Variants in ADAMTS6 observed in about 807,000 individuals in gnomAD.
ADAMTS6 encodes ADAM metallopeptidase with thrombospondin type 1 motif 6.
A neutral mutation model predicts 144.3 loss-of-function variants in ADAMTS6; 23 were observed. The observed-to-expected ratio is 0.16, with a 90% CI of 0.11 to 0.23. The LOEUF (loss-of-function observed/expected upper bound fraction) is 0.23, where lower values mean the gene tolerates loss of function less well. Ranked by LOEUF, ADAMTS6 falls within the 10% of genes least tolerant of loss-of-function variation. The probability of loss-of-function intolerance (pLI) is 1.00; values close to 1 mark genes in which losing one functional copy is unlikely to be tolerated. For missense variants in ADAMTS6, 999 were observed against 1,379.6 expected (o/e 0.72, Z 4.37); for synonymous variants, 444 against 457.5 (o/e 0.97, Z 0.38).
intron 7 of ADAMTS6, among the ~76,000 whole-genome samples, chr5:65,366,362 T>C (rs1273883965): frequency 6.6e-6 from 1 of 152,120 alleles, no homozygotes; most frequent in Non-Finnish European, 1.5e-5. Context: ...CTTAAAATAG[T>C]CAAAGAAAAA....
At chr5:65,238,516 C>T (rs931032228) in intron 15 of ADAMTS6, among the ~76,000 whole-genome samples, 1 of 151,690 alleles carries the variant, frequency 6.6e-6, no homozygotes, top group African/African-American at 2.4e-5. Flanking sequence ...GGAAGGATCG[C>T]TTGAGCCCAG....
intron 7 of ADAMTS6, among the ~76,000 whole-genome samples, chr5:65,348,845 A>C (rs1748588384): frequency 6.6e-6 from 1 of 152,094 alleles, no homozygotes; most frequent in South Asian, 2.1e-4. Flanking sequence ...AATACAAAAA[A>C]TAAATTTAAA....
At chr5:65,230,805 A>AAT (rs1179794516) in intron 15 of ADAMTS6, among the ~76,000 whole-genome samples, 2 of 73,912 alleles carry the variant, frequency 2.7e-5, no homozygotes, top group East Asian at 3.3e-4. Context: ...ATATGTATGA[A>AAT]ATATATATAT....
intron 24 of ADAMTS6, among the ~76,000 whole-genome samples, chr5:65,158,016 T>A (rs896018105): frequency 1.3e-5 from 2 of 152,170 alleles, no homozygotes; most frequent in Non-Finnish European, 2.9e-5. Flanking sequence ...TTAGTCTTAT[T>A]CCCTGGATGC....
At position 65,215,375 on chromosome 5, in the gene ADAMTS6, T is replaced by A. The variant is rs771054006; in HGVS notation, c.2385A>T (p.Glu795Asp). Residue 795 changes from glutamate (E) to aspartate (D), a missense_variant, in exon 19 of 25, where the codon GAA becomes GAT. Glu to Asp is a conservative substitution (Grantham distance 45). This residue lies in a region of ADAMTS6 where 619 missense variants were observed against 837.0 expected (regional missense o/e 0.74). Transcript: ENST00000381055. ...TAFHYKRPTDEPESLEALGPT... is the reference protein window; with the variant it reads ...TAFHYKRPTDDPESLEALGPT... ...GACCTAGAGCTTCCAAGGATTCTGGTTCATCAGTTGGTCTCTTGTAATGAA... is the reference window on the plus strand; with the variant it reads ...GACCTAGAGCTTCCAAGGATTCTGGATCATCAGTTGGTCTCTTGTAATGAA... 3.1e-6 allele frequency: 5 copies of A among 1,613,976 alleles called. No homozygotes were observed. In the Admixed American group the frequency reaches 8.3e-5, roughly 27 times the overall value.
intron 20 of ADAMTS6, among the ~76,000 whole-genome samples, chr5:65,205,240 T>C (rs565694082): frequency 6.6e-6 from 1 of 152,184 alleles, no homozygotes; most frequent in Admixed American, 6.5e-5. Flanking sequence ...GTGTTAGTCA[T>C]TATTTTTGTT....
chr5:65,468,952 G>C (rs1047045839), intron 3 of ADAMTS6, among the ~76,000 whole-genome samples: 1 of 151,990 alleles, frequency 6.6e-6, no homozygotes, highest in African/African-American at 2.4e-5. Context: ...TATATCAAAG[G>C]CATGCTCTTC....
chr5:65,173,941 T>C (rs1479581397), intron 22 of ADAMTS6, among the ~76,000 whole-genome samples: 1 of 150,458 alleles, frequency 6.6e-6, no homozygotes, highest in East Asian at 2.0e-4. Flanking sequence ...GAGAAGTGCT[T>C]GAACCAGGAG....
intron 15 of ADAMTS6, among the ~76,000 whole-genome samples, chr5:65,232,670 A>C (rs191767177): frequency 5.3e-5 from 8 of 151,984 alleles, no homozygotes; most frequent in African/African-American, 1.9e-4. Flanking sequence ...TGAACAGAAC[A>C]ATAATAAGAA....
At chr5:65,425,992 C>A in intron 7 of ADAMTS6, among the ~76,000 whole-genome samples, 1 of 151,746 alleles carries the variant, frequency 6.6e-6, no homozygotes, top group South Asian at 2.1e-4. Flanking sequence ...ACCTCGTGAT[C>A]CGCCCGCCTC....
intron 20 of ADAMTS6, among the ~76,000 whole-genome samples, chr5:65,199,769 C>T (rs1755617297): frequency 6.6e-6 from 1 of 152,000 alleles, no homozygotes; most frequent in Non-Finnish European, 1.5e-5. Flanking sequence ...GTTACTAAAC[C>T]AAAGCATTGT....
At chr5:65,335,026 G>C (rs1194533156) in intron 7 of ADAMTS6, among the ~76,000 whole-genome samples, 1 of 152,124 alleles carries the variant, frequency 6.6e-6, no homozygotes, top group Non-Finnish European at 1.5e-5. Context: ...CAAGTTGTAA[G>C]AGTTCTCTTT....
intron 9 of ADAMTS6, among the ~76,000 whole-genome samples, chr5:65,316,252 G>C (rs1233716690): frequency 6.6e-6 from 1 of 152,084 alleles, no homozygotes; most frequent in Non-Finnish European, 1.5e-5. Context: ...GTAATTGATA[G>C]ATCAATCTTA....
intron 7 of ADAMTS6, among the ~76,000 whole-genome samples, chr5:65,437,098 A>ATTT (rs546838256): frequency 2.1e-5 from 3 of 141,464 alleles, no homozygotes; most frequent in African/African-American, 2.6e-5. Context: ...GGAAACTCCC[A>ATTT]TTTTTTTTTT....
chr5:65,301,918 G>T (rs980224739), intron 9 of ADAMTS6, among the ~76,000 whole-genome samples: 1 of 151,496 alleles, frequency 6.6e-6, no homozygotes, highest in African/African-American at 2.4e-5. Flanking sequence ...GTGAAACCCT[G>T]TCTCTACTAA....
chr5:65,298,144 G>C (rs187985836), intron 10 of ADAMTS6, among the ~76,000 whole-genome samples: 13 of 152,232 alleles, frequency 8.5e-5, no homozygotes, highest in Admixed American at 5.9e-4. Flanking sequence ...CTTTTGGAGT[G>C]TCTTAGCCTC....
intron 24 of ADAMTS6, among the ~76,000 whole-genome samples, chr5:65,157,547 C>T (rs1298510348): frequency 6.6e-6 from 1 of 152,164 alleles, no homozygotes; most frequent in Admixed American, 6.5e-5. Context: ...AGAATGCATG[C>T]CCTCTGTTTC....
chr5:65,334,231 T>A, intron 7 of ADAMTS6, 146 bp from the exon 8 acceptor site: 2 of 858,782 alleles, frequency 2.3e-6, no homozygotes, highest in Non-Finnish European at 3.4e-6. Context: ...TTTTCAGCAC[T>A]CTACAGTGCT....
intron 7 of ADAMTS6, among the ~76,000 whole-genome samples, chr5:65,354,166 T>C (rs1335634045): frequency 2.0e-5 from 3 of 151,916 alleles, no homozygotes; most frequent in Admixed American, 6.6e-5. Context: ...ATTAATTCTT[T>C]ATTGCTTTGC....
Sources: allele counts gnomAD v4.1 joint callset (sites outside exome capture counted in the v4.1 genomes callset), GRCh38; gene constraint gnomAD v4.1.1; regional missense constraint gnomAD v4.1.1; transcripts MANE v1.5; gene names NCBI Gene and HGNC (gene_info 2026-07-23, HGNC 2026-07-21).